ATP8A2: variants seen among roughly 807,000 people sequenced by gnomAD.
ATP8A2 encodes the protein ATPase phospholipid transporting 8A2.
In ATP8A2, 100 loss-of-function variants were observed where a neutral mutation model predicts 165.6. That is an observed-to-expected ratio of 0.60 (90% CI 0.51 to 0.71). ATP8A2 has a LOEUF of 0.71. Among genes scored for constraint, ATP8A2 ranks in the 30% least tolerant of loss-of-function variants. The probability of loss-of-function intolerance (pLI) is 0.00; values close to 1 mark genes in which losing one functional copy is unlikely to be tolerated. For synonymous variants in ATP8A2, 543 were observed against 548.8 expected, an observed-to-expected ratio of 0.99 and a Z score of 0.15; for missense variants, 1,227 against 1,479.5, an observed-to-expected ratio of 0.83 and a Z score of 2.80.
intron 18 of ATP8A2, among the ~76,000 whole-genome samples, chr13:25,574,043 T>C (rs1288172933): frequency 6.6e-6 from 1 of 152,202 alleles, no homozygotes; most frequent in East Asian, 1.9e-4. Context: ...AACTCACATG[T>C]ATTGGGTGCC....
At chr13:25,507,046 T>C (rs532467569) in intron 2 of ATP8A2, among the ~76,000 whole-genome samples, 6 of 151,474 alleles carry the variant, frequency 4.0e-5, no homozygotes, top group African/African-American at 1.5e-4. Context: ...ATATAAATTT[T>C]GGTAAGGAAT....
At chr13:25,804,901 G>A (rs557205108) in intron 27 of ATP8A2, among the ~76,000 whole-genome samples, 2 of 152,214 alleles carry the variant, frequency 1.3e-5, no homozygotes, top group Non-Finnish European at 2.9e-5. Flanking sequence ...AAAATGAGGC[G>A]TTAAATGGTT....
rs2043348680 is a variant in ATP8A2, at chr13:25,720,239, C to G, written c.2384+20894C>G. ...CTGGACTGCAGTGGTGCAATCTCGG[C>G]TCACTGCAAGCTCCACCTCCCAGGT... On this transcript the variant is annotated intron_variant, in intron 25 of 36. Transcript: ENST00000381655. 1.4e-5 allele frequency among the ~76,000 whole-genome samples: 2 copies of G among 140,628 alleles called. 1 individual carries two copies. Among genetic ancestry groups the G allele is most frequent in the Admixed American group, 1.5e-4 (2 of 13,644 alleles). The allele number at this position is 140,628 out of a possible 152,430, so 92.3% of individuals were successfully genotyped here. A position where few individuals can be genotyped will look rare whatever the true frequency, so the allele number is the denominator to read the frequency against.
chr13:25,757,812 C>A (rs192105536), intron 25 of ATP8A2, among the ~76,000 whole-genome samples: 1 of 152,218 alleles, frequency 6.6e-6, no homozygotes, highest in Non-Finnish European at 1.5e-5. Context: ...CTCAACTCCC[C>A]CTTTGGTACC....
chr13:25,756,156 A>T (rs1030092225), intron 25 of ATP8A2, among the ~76,000 whole-genome samples: 1 of 152,152 alleles, frequency 6.6e-6, no homozygotes, highest in Non-Finnish European at 1.5e-5. Flanking sequence ...GATAGCATGC[A>T]GCAGCAGCTC....
intron 2 of ATP8A2, among the ~76,000 whole-genome samples, chr13:25,488,490 C>G (rs577446318): frequency 6.6e-6 from 1 of 152,292 alleles, no homozygotes; most frequent in Non-Finnish European, 1.5e-5. Flanking sequence ...CCTGTAATCC[C>G]AGCACTTTGG....
chr13:25,481,089 G>T, intron 2 of ATP8A2, among the ~76,000 whole-genome samples: 1 of 150,808 alleles, frequency 6.6e-6, no homozygotes, highest in Non-Finnish European at 1.5e-5. Flanking sequence ...AGGTTTCAGT[G>T]AGCCGAGATG....
chr13:25,433,415 G>A (rs2034668882), intron 1 of ATP8A2, among the ~76,000 whole-genome samples: 1 of 152,124 alleles, frequency 6.6e-6, no homozygotes, highest in South Asian at 2.1e-4. Context: ...TGGGACTACA[G>A]GCGTGTGCCA....
At chr13:25,776,355 G>A (rs1393267874) in intron 27 of ATP8A2, among the ~76,000 whole-genome samples, 1 of 152,200 alleles carries the variant, frequency 6.6e-6, no homozygotes, top group African/African-American at 2.4e-5. Context: ...TGTGGGAGGT[G>A]CCCTGTCTGC....
chr13:25,608,737 A>G (rs190213093), intron 24 of ATP8A2, among the ~76,000 whole-genome samples: 7 of 152,312 alleles, frequency 4.6e-5, no homozygotes, highest in South Asian at 2.1e-4. Flanking sequence ...ATACATCTAT[A>G]TCTATCTGCA....
chr13:25,537,912 T>C (rs538602527), intron 6 of ATP8A2, 76 bp from the exon 7 acceptor site: 1 of 1,000,298 alleles, frequency 1.0e-6, no homozygotes. Context: ...TCTTCAAATA[T>C]TTAAGCACCT....
At chr13:25,665,703 T>A (rs2042139102) in intron 24 of ATP8A2, among the ~76,000 whole-genome samples, 1 of 150,152 alleles carries the variant, frequency 6.7e-6, no homozygotes, top group African/African-American at 2.5e-5. Context: ...ACCCAGAGCT[T>A]ATTTGTTTTT....
chr13:25,740,607 T>C (rs1593277588), intron 25 of ATP8A2, among the ~76,000 whole-genome samples: 1 of 152,274 alleles, frequency 6.6e-6, no homozygotes, highest in East Asian at 1.9e-4. Context: ...TTGAAGATGA[T>C]TCTATGTAGC....
chr13:25,555,529 T>C (rs1328043015), intron 13 of ATP8A2, among the ~76,000 whole-genome samples: 1 of 152,198 alleles, frequency 6.6e-6, no homozygotes, highest in Non-Finnish European at 1.5e-5. Context: ...CCTGAACTCC[T>C]CTTGCCTTTA....
chr13:25,918,811 A>T (rs1954346824), intron 33 of ATP8A2, among the ~76,000 whole-genome samples: 1 of 152,202 alleles, frequency 6.6e-6, no homozygotes, highest in Admixed American at 6.5e-5. Flanking sequence ...CACTTGTAAC[A>T]TGATGTTAGA....
chr13:25,799,689 T>G (rs1021672793), intron 27 of ATP8A2, among the ~76,000 whole-genome samples: 1 of 152,192 alleles, frequency 6.6e-6, no homozygotes, highest in Admixed American at 6.5e-5. Flanking sequence ...CAAGGACCTT[T>G]CCCCTGAACA....
intron 1 of ATP8A2, among the ~76,000 whole-genome samples, chr13:25,426,413 G>A (rs974566069): frequency 6.6e-5 from 10 of 152,192 alleles, no homozygotes; most frequent in Admixed American, 3.3e-4. Flanking sequence ...TGAGGGAGCC[G>A]CACCCCTAGA....
chr13:25,766,939 G>C (rs1344868158), intron 25 of ATP8A2, among the ~76,000 whole-genome samples: 1 of 152,168 alleles, frequency 6.6e-6, no homozygotes, highest in African/African-American at 2.4e-5. Context: ...ATCCCATGAG[G>C]TGGCTGGTTC....
At chr13:25,786,282 T>C (rs1341510008) in intron 27 of ATP8A2, among the ~76,000 whole-genome samples, 1 of 152,230 alleles carries the variant, frequency 6.6e-6, no homozygotes, top group Non-Finnish European at 1.5e-5. Context: ...GAGTTTAGAA[T>C]GCCCTTAACT....
Sources: gnomAD v4.1 joint callset for allele counts (sites outside exome capture counted in the v4.1 genomes callset) on GRCh38, gnomAD v4.1.1 for gene constraint, MANE v1.5 for transcripts, NCBI Gene and HGNC (gene_info 2026-07-23, HGNC 2026-07-21) for gene names.